The following SLCO1A2 variants were observed in gnomAD, a reference collection of about 807,000 sequenced individuals.
The protein encoded by SLCO1A2 is solute carrier organic anion transporter family member 1A2.
In SLCO1A2, 67 loss-of-function variants were observed where a neutral mutation model predicts 69.0. The observed-to-expected ratio is 0.97, with a 90% CI of 0.80 to 1.19. The LOEUF is 1.19. Ranked by LOEUF, SLCO1A2 falls within the 50% of genes most tolerant of loss-of-function variation. The pLI is 0.00. For synonymous variants in SLCO1A2, 260 were observed against 265.9 expected, an observed-to-expected ratio of 0.98 and a Z score of 0.22; for missense variants, 787 against 793.7, an observed-to-expected ratio of 0.99 and a Z score of 0.10.
intron 1 of SLCO1A2, among the ~76,000 whole-genome samples, chr12:21,415,280 A>T (rs756911053): frequency 2.6e-5 from 4 of 152,046 alleles, no homozygotes; most frequent in Non-Finnish European, 4.4e-5. Context: ...CCATACTACC[A>T]TTATCTAGAC....
At chr12:21,418,937 A>T (rs537691399), upstream of SLCO1A2, among the ~76,000 whole-genome samples, 2 of 152,300 alleles carry the variant, frequency 1.3e-5, no homozygotes, top group African/African-American at 4.8e-5. Context: ...AAAATTAAGA[A>T]TAATATTTAG....
chr12:21,329,954 G>A (rs1358865113), intron 2 of SLCO1A2, among the ~76,000 whole-genome samples: 24 of 151,686 alleles, frequency 1.6e-4, no homozygotes, highest in Admixed American at 1.6e-3. Flanking sequence ...TACCAGATTA[G>A]TCTTACCCAA....
At chr12:21,313,957 G>A (rs1950533916) in intron 4 of SLCO1A2, among the ~76,000 whole-genome samples, 1 of 145,666 alleles carries the variant, frequency 6.9e-6, no homozygotes, top group African/African-American at 2.5e-5. Context: ...GAGCAAGACT[G>A]TCTCAAAAAA....
chr12:21,308,961 T>A (rs1412409590), intron 4 of SLCO1A2, among the ~76,000 whole-genome samples: 1 of 152,114 alleles, frequency 6.6e-6, no homozygotes, highest in African/African-American at 2.4e-5. Flanking sequence ...AACGGTACAC[T>A]TGGAGGAGCC....
intron 2 of SLCO1A2, among the ~76,000 whole-genome samples, chr12:21,361,044 T>C (rs905562076): frequency 2.0e-5 from 3 of 152,170 alleles, no homozygotes; most frequent in African/African-American, 7.2e-5. Context: ...GTTGTGGTTC[T>C]CCCAGCACGG....
rs145162937 is a variant in SLCO1A2 at position 21,265,220 on chromosome 12, G to A, written c.*4328C>T. 40 of 152,328 alleles carry A rather than the reference G, an allele frequency of 2.6e-4. No individual in the cohort carries two copies. Among genetic ancestry groups the A allele is most frequent in the African/African-American group, 9.1e-4 (38 of 41,554 alleles). The allele number at this position is 152,328 out of a possible 1,614,324, so 9.4% of individuals were successfully genotyped here. A position where few individuals can be genotyped will look rare whatever the true frequency, so the allele number is the denominator to read the frequency against. ...GTTGTTTTCACCTGCTACCATTACA[G>A]ACTGGTCCAGACCTGCTTATCCTTT... On this transcript the variant is annotated 3_prime_UTR_variant, in exon 15 of 15. Coordinates refer to ENST00000683939, the MANE Select transcript of SLCO1A2 (RefSeq NM_001386879.1).
chr12:21,299,840 G>GTA (rs1319275798), intron 8 of SLCO1A2, among the ~76,000 whole-genome samples: 17 of 134,418 alleles, frequency 1.3e-4, no homozygotes, highest in Middle Eastern at 4.1e-3. Flanking sequence ...ACATATATGT[G>GTA]TATATATATA....
At chr12:21,334,508 A>G (rs571036173) in intron 2 of SLCO1A2, 80 bp downstream of exon 2, 9 of 998,464 alleles carry the variant, frequency 9.0e-6, no homozygotes, top group Non-Finnish European at 1.4e-5. Context: ...CTTCATGCAG[A>G]TAGGAGCAAT....
At chr12:21,337,250 C>T (rs2136969588), upstream of SLCO1A2, among the ~76,000 whole-genome samples, 1 of 152,068 alleles carries the variant, frequency 6.6e-6, no homozygotes, top group Non-Finnish European at 1.5e-5. Context: ...CTGTTGGCTT[C>T]CAGCCCCTAA....
At chr12:21,300,619 A>T (rs1365879181) in intron 7 of SLCO1A2, 50 bp from the exon 8 acceptor site, 1 of 1,351,788 alleles carries the variant, frequency 7.4e-7, no homozygotes, top group East Asian at 2.5e-5. Flanking sequence ...TATTTTCTGT[A>T]TGAACTATAG....
In SLCO1A2 at chr12:21,350,827, C is replaced by A. The variant is rs1436199921; in HGVS notation, c.-62-16118G>T. Among the ~76,000 whole-genome samples the A allele has an allele frequency of 3.3e-3, 289 of 86,816 alleles. 3 individuals are homozygous for A. The highest frequency in any genetic ancestry group is 0.012 in the African/African-American group (251 of 20,902). 57.0% of individuals were successfully genotyped at this position (86,816 alleles called of 152,430 possible). A position where few individuals can be genotyped will look rare whatever the true frequency, so the allele number is the denominator to read the frequency against. On this transcript the variant is annotated intron_variant, in intron 2 of 15. Coordinates refer to the SLCO1A2 transcript ENST00000307378. ...ACTCCAGCCTGGTGACAGAGCAAGA[C>A]TCTGTCTCAAAAAAAAAAAAAAAAA...
At chr12:21,277,273 C>G (rs1372767287) in intron 12 of SLCO1A2, among the ~76,000 whole-genome samples, 1 of 152,090 alleles carries the variant, frequency 6.6e-6, no homozygotes, top group Admixed American at 6.6e-5. Context: ...TCCTGGCTGG[C>G]ATTTCTAGAC....
rs201000865 is a variant in SLCO1A2, at chr12:21,304,520, T to C, written c.496A>G (p.Ile166Val). Residue 166 changes from isoleucine to valine, a missense_variant, in exon 6 of 15, where the codon ATT becomes GTT. Coordinates refer to ENST00000683939, the MANE Select transcript of SLCO1A2 (RefSeq NM_001386879.1). ...GGAGTTTCACCCATTCCACGTACAA[T>C]ATTGCCTACTAGGACGTACACCCAC... ...LMWVYVLVGN[I>V]VRGMGETPIL... 4.0e-5 allele frequency: 64 copies of C among 1,612,896 alleles called. No individual in the cohort carries two copies. The highest frequency in any genetic ancestry group is 4.2e-5 in the Non-Finnish European group (50 of 1,179,170).
intron 14 of SLCO1A2, 21 bp downstream of exon 14, chr12:21,274,438 AAAACAATTTT>A (rs756643625): frequency 1.3e-4 from 194 of 1,455,274 alleles, no homozygotes; most frequent in Non-Finnish European, 1.8e-4. Flanking sequence ...CTATGCTTAT[AAAACAATTTT>A]AAACAAATTA....
At position 21,269,636 on chromosome 12, in the gene SLCO1A2, G is replaced by T. The variant is rs1185297848; in HGVS notation, c.1925C>A (p.Thr642Lys). ...NASSGTELIE[T>K]KVKGKENECK... ...CTCATTTTCCTTCCCTTTGACTTTT[G>T]TCTCTATAAGCTCTGTTCCTGAAGA... Residue 642 changes from threonine to lysine, a missense_variant, in exon 15 of 15, where the codon ACA becomes AAA. Coordinates refer to ENST00000683939, the MANE Select transcript of SLCO1A2 (RefSeq NM_001386879.1). 3 of 1,612,228 alleles carry T rather than the reference G, an allele frequency of 1.9e-6. No homozygotes were observed. The African/African-American group carries it at 4.0e-5, about 22-fold the overall frequency.
At chr12:21,341,887 T>C (rs948508069) in intron 2 of SLCO1A2, among the ~76,000 whole-genome samples, 5 of 151,998 alleles carry the variant, frequency 3.3e-5, no homozygotes, top group African/African-American at 1.2e-4. Context: ...GTAAATAAAA[T>C]GATGATTTAA....
intron 9 of SLCO1A2, among the ~76,000 whole-genome samples, chr12:21,297,127 T>C (rs143358431): frequency 1.5e-4 from 23 of 152,320 alleles, no homozygotes; most frequent in African/African-American, 5.5e-4. Context: ...ATTCATATTA[T>C]GAATTCACAT....
intron 1 of SLCO1A2, among the ~76,000 whole-genome samples, chr12:21,380,199 T>A (rs1940499274): frequency 6.6e-6 from 1 of 152,138 alleles, no homozygotes. Flanking sequence ...AACATTATAT[T>A]TAGGTTTATA....
At chr12:21,396,663 A>C (rs1312008902), upstream of SLCO1A2, among the ~76,000 whole-genome samples, 101 of 152,128 alleles carry the variant, frequency 6.6e-4, no homozygotes, top group African/African-American at 1.3e-3. Flanking sequence ...ATCAGACTAA[A>C]AGTGGATCTC....
Sources: gnomAD v4.1 joint callset for allele counts (sites outside exome capture counted in the v4.1 genomes callset) on GRCh38, gnomAD v4.1.1 for gene constraint, MANE v1.5 for transcripts, NCBI Gene and HGNC (gene_info 2026-07-23, HGNC 2026-07-21) for gene names.